Variants in DPP6 observed in about 807,000 individuals in gnomAD.
The protein encoded by DPP6 is dipeptidyl peptidase like 6.
In DPP6, 69 loss-of-function variants were observed where a neutral mutation model predicts 122.6. That is an observed-to-expected ratio of 0.56 (90% CI 0.46 to 0.69). DPP6 has a LOEUF of 0.69. Ranked by LOEUF, DPP6 falls within the 30% of genes least tolerant of loss-of-function variation. The pLI is 0.00. For missense variants in DPP6, 928 were observed against 1,116.9 expected (o/e 0.83, Z 2.41); for synonymous variants, 418 against 433.1 (o/e 0.97, Z 0.43).
intron 21 of DPP6, among the ~76,000 whole-genome samples, chr7:154,883,332 TGTCA>T (rs1805596219): frequency 8.9e-6 from 1 of 112,764 alleles, no homozygotes. Context: ...ATACACATGG[TGTCA>T]CACACACGCT....
chr7:153,757,947 A>C, the DPP6 span, among the ~76,000 whole-genome samples: 1 of 152,328 alleles, frequency 6.6e-6, no homozygotes, highest in East Asian at 1.9e-4. Flanking sequence ...TGACAGAATG[A>C]GATGTTGTCT....
rs536420841 is a variant in DPP6 at position 154,569,324 on chromosome 7, A to C, written c.627+2408A>C. Among the ~76,000 whole-genome samples the C allele has an allele frequency of 5.3e-5, 8 of 152,140 alleles. No individual in the cohort carries two copies. In the South Asian group the frequency reaches 1.4e-3, roughly 28 times the overall value. On this transcript the variant is annotated intron_variant, in intron 5 of 25. Coordinates refer to ENST00000377770, the MANE Select transcript of DPP6 (RefSeq NM_130797.4). ...ATTGCTAGTATTGTATTAATAGTAT[A>C]ATCAATTAAAAATATTATCCATTGG... is the stretch of plus-strand genomic sequence containing the variant.
At chr7:153,928,395 C>CTTTTTTTTTTTTTTTTTTTT (rs1467865041) in intron 1 of DPP6, among the ~76,000 whole-genome samples, 7 of 29,988 alleles carry the variant, frequency 2.3e-4, no homozygotes, top group African/African-American at 5.3e-4. Context: ...TCTTTTCTTT[C>CTTTTTTTTTTTTTTTTTTTT]ATTTTTTTTT....
chr7:153,781,275 C>T, the DPP6 span, among the ~76,000 whole-genome samples: 68 of 152,096 alleles, frequency 4.5e-4, no homozygotes, highest in Non-Finnish European at 2.9e-4. Flanking sequence ...CAGTTTCAGT[C>T]GGAGATGAGA....
chr7:153,787,811 T>C, the DPP6 span, among the ~76,000 whole-genome samples: 5 of 146,378 alleles, frequency 3.4e-5, no homozygotes, highest in African/African-American at 1.3e-4. Flanking sequence ...TATGTAGGCA[T>C]TGATTTTAAT....
the DPP6 span, among the ~76,000 whole-genome samples, chr7:153,853,076 C>T: frequency 2.2e-4 from 34 of 152,174 alleles, no homozygotes; most frequent in Non-Finnish European, 5.9e-5. Flanking sequence ...AGAGATACAG[C>T]TCTGTTGTTT....
chr7:153,997,593 G>GCACACACACACACACACA (rs3980023), intron 1 of DPP6, among the ~76,000 whole-genome samples: 4,284 of 145,978 alleles, frequency 0.029, 152 homozygotes, highest in Admixed American at 0.096. Flanking sequence ...TGAGTGCACA[G>GCACACACACACACACACA]CACACACACA....
chr7:154,284,781 G>C (rs1804745333), intron 1 of DPP6, among the ~76,000 whole-genome samples: 1 of 152,232 alleles, frequency 6.6e-6, no homozygotes, highest in African/African-American at 2.4e-5. Flanking sequence ...CTTGAACACA[G>C]GAGGTGGAGG....
intron 1 of DPP6, among the ~76,000 whole-genome samples, chr7:154,128,641 G>A (rs1297028281): frequency 6.6e-6 from 1 of 152,058 alleles, no homozygotes; most frequent in East Asian, 1.9e-4. Context: ...CACCCGCCTC[G>A]GCCTCCCAAA....
chr7:154,859,338 G>A (rs570794978), intron 17 of DPP6, among the ~76,000 whole-genome samples: 14 of 152,354 alleles, frequency 9.2e-5, no homozygotes, highest in East Asian at 1.9e-4. Context: ...AGGAGGCCTC[G>A]GGGAGCCGGC....
At chr7:154,101,929 C>T (rs1805756749) in intron 1 of DPP6, among the ~76,000 whole-genome samples, 1 of 131,266 alleles carries the variant, frequency 7.6e-6, no homozygotes, top group Non-Finnish European at 1.6e-5. Context: ...ACTCCATACT[C>T]CATCTCAAAA....
chr7:153,862,737 G>A, the DPP6 span, among the ~76,000 whole-genome samples: 1 of 151,840 alleles, frequency 6.6e-6, no homozygotes, highest in South Asian at 2.1e-4. Context: ...AGTATTTTAG[G>A]TTTCTCCATT....
Position 154,887,713 on chromosome 7 carries a change from A to G in DPP6, c.2283A>G (p.Gly761=), listed in dbSNP as rs771663272. 4.3e-6 allele frequency: 7 copies of G among 1,613,686 alleles called. No individual in the cohort carries two copies. ...CCGAGAGGTACTTGGGCCTCCATGGACTTGACAACAGAGCATACGAGGTGT... is the reference window on the plus strand; with the variant it reads ...CCGAGAGGTACTTGGGCCTCCATGGGCTTGACAACAGAGCATACGAGGTGT... The part of the protein sequence containing the change: ...AFSERYLGLH[G]LDNRAYEMTK... Residue 761 remains glycine (G), a synonymous_variant, in exon 23 of 26, where the codon GGA becomes GGG. Coordinates refer to ENST00000377770, the MANE Select transcript of DPP6 (RefSeq NM_130797.4).
chr7:153,764,675 TGC>T, the DPP6 span, among the ~76,000 whole-genome samples: 1 of 151,622 alleles, frequency 6.6e-6, no homozygotes, highest in Non-Finnish European at 1.5e-5. Flanking sequence ...CTCACTGTGA[TGC>T]CTTCACACAT....
chr7:154,144,792 AC>A (rs1437705798), intron 1 of DPP6, among the ~76,000 whole-genome samples: 1 of 151,828 alleles, frequency 6.6e-6, no homozygotes, highest in Non-Finnish European at 1.5e-5. Flanking sequence ...AGAGGAAGAG[AC>A]AGCGGAGCTT....
the DPP6 span, among the ~76,000 whole-genome samples, chr7:153,748,185 G>A: frequency 6.6e-6 from 1 of 152,146 alleles, no homozygotes; most frequent in Non-Finnish European, 1.5e-5. Flanking sequence ...TAACGAGCCC[G>A]GGTGCCGTCC....
intron 1 of DPP6, among the ~76,000 whole-genome samples, chr7:154,180,263 G>T (rs1047819351): frequency 2.0e-5 from 3 of 151,652 alleles, no homozygotes; most frequent in Admixed American, 6.6e-5. Flanking sequence ...CATAAGAATC[G>T]CATGAACCCG....
At chr7:154,047,012 C>T (rs551807248) in intron 1 of DPP6, among the ~76,000 whole-genome samples, 1 of 151,010 alleles carries the variant, frequency 6.6e-6, no homozygotes, top group Admixed American at 6.6e-5. Flanking sequence ...GTTTTGCTGT[C>T]AGGAAAAGAC....
At chr7:154,785,798 A>C (rs1243847551) in intron 10 of DPP6, among the ~76,000 whole-genome samples, 5 of 152,252 alleles carry the variant, frequency 3.3e-5, no homozygotes, top group African/African-American at 1.2e-4. Context: ...ATCTTTCATG[A>C]TAGAGCTAAG....
Sources: gnomAD v4.1 joint callset for allele counts (sites outside exome capture counted in the v4.1 genomes callset) on GRCh38, gnomAD v4.1.1 for gene constraint, MANE v1.5 for transcripts, NCBI Gene and HGNC (gene_info 2026-07-23, HGNC 2026-07-21) for gene names.